The following DCC variants were observed in gnomAD, a reference collection of about 807,000 sequenced individuals.
The protein encoded by DCC is DCC netrin 1 receptor.
A neutral mutation model predicts 172.5 loss-of-function variants in DCC; 58 were observed. The ratio of observed to expected loss-of-function variants is 0.34; its 90% CI spans 0.27 to 0.42. DCC has a LOEUF of 0.42. Among genes scored for constraint, DCC ranks in the 10% least tolerant of loss-of-function variants. The pLI, the probability that DCC is intolerant of heterozygous loss-of-function variation, is 1.00. For synonymous variants in DCC, 709 were observed against 644.5 expected, an observed-to-expected ratio of 1.10 and a Z score of -1.52; for missense variants, 1,740 against 1,791.0, an observed-to-expected ratio of 0.97 and a Z score of 0.51.
intron 2 of DCC, among the ~76,000 whole-genome samples, chr18:52,883,171 C>CTG (rs2145407843): frequency 6.6e-6 from 1 of 152,046 alleles, no homozygotes; most frequent in South Asian, 2.1e-4. Flanking sequence ...TTCTTGTGGG[C>CTG]AACAGATCAT....
intron 1 of DCC, among the ~76,000 whole-genome samples, chr18:52,558,534 C>A (rs1456091078): frequency 1.3e-5 from 2 of 152,076 alleles, no homozygotes; most frequent in African/African-American, 4.8e-5. Context: ...TGCATATTTG[C>A]AGGATACTAT....
chr18:52,647,189 G>A (rs1319540114), intron 1 of DCC, among the ~76,000 whole-genome samples: 2 of 152,118 alleles, frequency 1.3e-5, no homozygotes, highest in Admixed American at 6.5e-5. Context: ...TGTCATCCAC[G>A]GTAAGGCCAG....
intron 1 of DCC, among the ~76,000 whole-genome samples, chr18:52,704,773 C>A (rs1480347796): frequency 1.3e-5 from 2 of 152,124 alleles, no homozygotes; most frequent in Non-Finnish European, 1.5e-5. Context: ...AGTGGGCGTG[C>A]CTTCTTGGTT....
chr18:52,833,911 G>T (rs574915880), intron 2 of DCC, among the ~76,000 whole-genome samples: 4 of 152,256 alleles, frequency 2.6e-5, no homozygotes, highest in Non-Finnish European at 1.5e-5. Flanking sequence ...CAATTCTCCG[G>T]CTTCGGCCTC....
intron 7 of DCC, among the ~76,000 whole-genome samples, chr18:53,128,697 G>A (rs1429123195): frequency 6.6e-6 from 1 of 151,676 alleles, no homozygotes; most frequent in East Asian, 1.9e-4. Flanking sequence ...GGAAGGATAA[G>A]GCTAGGGAGG....
intron 7 of DCC, among the ~76,000 whole-genome samples, chr18:53,090,984 T>C (rs1009384485): frequency 5.3e-5 from 8 of 152,022 alleles, no homozygotes; most frequent in Non-Finnish European, 1.2e-4. Flanking sequence ...GGCAACTACA[T>C]TGTAACAGAG....
At chr18:53,246,424 C>T (rs2056365506) in intron 12 of DCC, among the ~76,000 whole-genome samples, 1 of 151,708 alleles carries the variant, frequency 6.6e-6, no homozygotes, top group Non-Finnish European at 1.5e-5. Context: ...AACATCACTA[C>T]TTGGATCTGA....
At chr18:52,692,666 A>C (rs1273637431) in intron 1 of DCC, among the ~76,000 whole-genome samples, 1 of 152,080 alleles carries the variant, frequency 6.6e-6, no homozygotes, top group African/African-American at 2.4e-5. Flanking sequence ...TCCTGGCCTC[A>C]AGTGATCCTC....
intron 2 of DCC, among the ~76,000 whole-genome samples, chr18:52,896,233 A>C (rs1295226484): frequency 6.6e-6 from 1 of 152,220 alleles, no homozygotes; most frequent in Non-Finnish European, 1.5e-5. Flanking sequence ...TTATATTTTC[A>C]GTTTTAATTA....
intron 12 of DCC, among the ~76,000 whole-genome samples, chr18:53,287,122 T>A (rs1031424397): frequency 5.3e-4 from 81 of 152,258 alleles, no homozygotes; most frequent in African/African-American, 1.9e-3. Context: ...TTCTCTAGCA[T>A]TCACCTCTCA....
At position 52,423,334 on chromosome 18, in the gene DCC, G is replaced by A. The variant is rs528226584; in HGVS notation, c.91+82456G>A. 5.3e-5 allele frequency among the ~76,000 whole-genome samples: 8 copies of A among 152,222 alleles called. No individual in the cohort carries two copies. The South Asian group carries it at 6.2e-4, about 12-fold the overall frequency. Reference sequence around the variant, plus strand: ...TTCAAACTGGGGGATCTGCAAAGTCGTCAGAGTGGTGGGGTTGAAGCCTTG... The same window carrying A: ...TTCAAACTGGGGGATCTGCAAAGTCATCAGAGTGGTGGGGTTGAAGCCTTG... On this transcript the variant is annotated intron_variant, in intron 1 of 28. Transcript: ENST00000442544.
At chr18:52,778,003 G>T (rs2037464367) in intron 2 of DCC, among the ~76,000 whole-genome samples, 1 of 151,740 alleles carries the variant, frequency 6.6e-6, no homozygotes, top group African/African-American at 2.4e-5. Context: ...TGCAACAATT[G>T]TATTACTTAC....
At chr18:53,505,435 A>C (rs2046160016) in intron 27 of DCC, 1 of 152,270 alleles carries the variant, frequency 6.6e-6, no homozygotes, top group Admixed American at 6.5e-5. Context: ...TAGGTCAATG[A>C]GAGCAAAAAC....
At chr18:53,270,020 A>G (rs2056730402) in intron 12 of DCC, among the ~76,000 whole-genome samples, 2 of 152,084 alleles carry the variant, frequency 1.3e-5, no homozygotes. Flanking sequence ...TTCATGGGAT[A>G]ATGAAGAATC....
intron 7 of DCC, among the ~76,000 whole-genome samples, chr18:53,088,035 G>T (rs569534844): frequency 6.6e-6 from 1 of 152,134 alleles, no homozygotes; most frequent in Non-Finnish European, 1.5e-5. Flanking sequence ...GTCAGGTAGC[G>T]TGATGCCTCC....
chr18:52,875,584 A>C (rs1400768770), intron 2 of DCC, among the ~76,000 whole-genome samples: 1 of 152,206 alleles, frequency 6.6e-6, no homozygotes, highest in East Asian at 1.9e-4. Context: ...ATGCTATAGC[A>C]TAAAATATTC....
At chr18:52,787,607 AAC>A (rs1410013515) in intron 2 of DCC, among the ~76,000 whole-genome samples, 1 of 152,080 alleles carries the variant, frequency 6.6e-6, no homozygotes, top group East Asian at 1.9e-4. Flanking sequence ...CATGCAACTA[AAC>A]ATGTCAAATA....
At chr18:52,922,323 T>A (rs2040138925) in intron 3 of DCC, among the ~76,000 whole-genome samples, 1 of 152,156 alleles carries the variant, frequency 6.6e-6, no homozygotes, top group South Asian at 2.1e-4. Context: ...GGTGTCCTTT[T>A]TATTACACTG....
chr18:52,367,084 C>T (rs1007064597), intron 1 of DCC, among the ~76,000 whole-genome samples: 2 of 152,184 alleles, frequency 1.3e-5, no homozygotes, highest in Non-Finnish European at 2.9e-5. Context: ...AGAAATCGAG[C>T]GCAGCGCCGG....
Sources: allele counts gnomAD v4.1 joint callset (sites outside exome capture counted in the v4.1 genomes callset), GRCh38; gene constraint gnomAD v4.1.1; transcripts MANE v1.5; gene names NCBI Gene and HGNC (gene_info 2026-07-23, HGNC 2026-07-21).